Variants in SLC20A2 observed in about 807,000 individuals in gnomAD.
The protein encoded by SLC20A2 is sodium-dependent phosphate transporter 2.
SLC20A2 carries 30 observed loss-of-function variants against 61.0 expected under a neutral mutation model. That is an observed-to-expected ratio of 0.49 (90% CI 0.37 to 0.67). The LOEUF is 0.67. SLC20A2 is among the 30% of genes least tolerant of loss of function. The pLI, the probability that SLC20A2 is intolerant of heterozygous loss-of-function variation, is 0.00. For missense variants in SLC20A2, 626 were observed against 866.4 expected, an observed-to-expected ratio of 0.72 and a Z score of 3.48; for synonymous variants, 351 against 353.3, an observed-to-expected ratio of 0.99 and a Z score of 0.07.
chr8:42,438,676 TGA>T (rs1199399770), intron 7 of SLC20A2, among the ~76,000 whole-genome samples: 1 of 152,108 alleles, frequency 6.6e-6, no homozygotes, highest in Non-Finnish European at 1.5e-5. Flanking sequence ...CCACAAACAT[TGA>T]GAGTCTAAAG....
intron 3 of SLC20A2, among the ~76,000 whole-genome samples, chr8:42,464,092 C>CTTTTTTTTTTTTTTGTTTTTTT (rs1806937175): frequency 4.9e-5 from 1 of 20,540 alleles, no homozygotes. Context: ...GCTGGATGAT[C>CTTTTTTTTTTTTTTGTTTTTTT]TTTTTTTTTT....
intron 5 of SLC20A2, among the ~76,000 whole-genome samples, chr8:42,448,223 A>G (rs1191325659): frequency 6.6e-6 from 1 of 152,246 alleles, no homozygotes; most frequent in East Asian, 1.9e-4. Flanking sequence ...CTGATGATAC[A>G]ATTACTAATT....
At chr8:42,438,183 G>A (rs1445516610) in intron 7 of SLC20A2, among the ~76,000 whole-genome samples, 1 of 151,344 alleles carries the variant, frequency 6.6e-6, no homozygotes, top group Non-Finnish European at 1.5e-5. Flanking sequence ...AAATTACTAT[G>A]GCACTTGGCA....
chr8:42,470,166 A>G (rs1030770836), intron 2 of SLC20A2, among the ~76,000 whole-genome samples: 7 of 152,068 alleles, frequency 4.6e-5, no homozygotes, highest in African/African-American at 1.7e-4. Context: ...GAAGGTAAGT[A>G]AAATTCAATA....
chr8:42,431,113 G>A (rs1210641185), intron 8 of SLC20A2, among the ~76,000 whole-genome samples: 2 of 152,228 alleles, frequency 1.3e-5, no homozygotes, highest in African/African-American at 4.8e-5. Flanking sequence ...AAATGATTAA[G>A]CTTAGTGAGG....
intron 1 of SLC20A2, among the ~76,000 whole-genome samples, chr8:42,494,202 CAAG>C (rs954210167): frequency 6.6e-6 from 1 of 152,018 alleles, no homozygotes; most frequent in Non-Finnish European, 1.5e-5. Context: ...GAAAGTAAAA[CAAG>C]GAAAAATGCT....
At chr8:42,426,088 C>T (rs2130943254) in intron 10 of SLC20A2, among the ~76,000 whole-genome samples, 1 of 152,162 alleles carries the variant, frequency 6.6e-6, no homozygotes. Context: ...ATAATGATAA[C>T]ATATACATCT....
intron 1 of SLC20A2, among the ~76,000 whole-genome samples, chr8:42,518,135 T>C (rs551444289): frequency 1.3e-5 from 2 of 151,716 alleles, no homozygotes; most frequent in South Asian, 2.1e-4. Flanking sequence ...AGAGATGGGG[T>C]TTCGCCTTGT....
At chr8:42,523,621 T>C (rs776951597) in intron 1 of SLC20A2, among the ~76,000 whole-genome samples, 27 of 152,166 alleles carry the variant, frequency 1.8e-4, no homozygotes, top group African/African-American at 2.4e-4. Flanking sequence ...TTGAAGAAAA[T>C]AGAATAAGCA....
At chr8:42,534,067 A>G (rs1173864218) in intron 1 of SLC20A2, among the ~76,000 whole-genome samples, 1 of 152,016 alleles carries the variant, frequency 6.6e-6, no homozygotes, top group African/African-American at 2.4e-5. Context: ...TGTAATCCCA[A>G]CACTTTGGGG....
chr8:42,509,681 G>T (rs1810922872), intron 1 of SLC20A2, among the ~76,000 whole-genome samples: 1 of 152,150 alleles, frequency 6.6e-6, no homozygotes, highest in Non-Finnish European at 1.5e-5. Context: ...TTGGGTCCAG[G>T]AGTTTGAGGC....
At chr8:42,482,569 C>T (rs73632712) in intron 1 of SLC20A2, among the ~76,000 whole-genome samples, 4,388 of 152,146 alleles carry the variant, frequency 0.029, 201 homozygotes, top group African/African-American at 0.095. Context: ...GGCATCATGG[C>T]GAAACCCCAT....
rs1401875175 is a variant in SLC20A2, at chr8:42,476,020, G to A, written c.-264-3366C>T. ...CATTGTTTTTAGTTTTGCTTTTTGG[G>A]GCTAGGATGGGGTCTGACCACAGGT... On this transcript the variant is annotated intron_variant, in intron 1 of 10. Coordinates refer to ENST00000520262, the MANE Select transcript of SLC20A2 (RefSeq NM_001257180.2). Among the ~76,000 whole-genome samples, 5 of 151,698 alleles carry A rather than the reference G, an allele frequency of 3.3e-5. No homozygotes were observed. In the South Asian group the frequency reaches 1.0e-3, roughly 32 times the overall value.
At chr8:42,488,566 G>A (rs531272679) in intron 1 of SLC20A2, among the ~76,000 whole-genome samples, 12 of 152,288 alleles carry the variant, frequency 7.9e-5, no homozygotes, top group Non-Finnish European at 1.8e-4. Flanking sequence ...ATACCCAGAA[G>A]TGGAATTGCT....
At chr8:42,445,269 G>A (rs893804250) in intron 5 of SLC20A2, among the ~76,000 whole-genome samples, 12 of 151,948 alleles carry the variant, frequency 7.9e-5, no homozygotes, top group African/African-American at 2.9e-4. Context: ...TCTAGCCTGG[G>A]CAACAGAGCG....
At position 42,424,408 on chromosome 8, in the gene SLC20A2, C is replaced by T. The variant is rs112450279; in HGVS notation, c.1794+4350G>A. 3.1e-3 allele frequency among the ~76,000 whole-genome samples: 469 copies of T among 152,228 alleles called. 1 individual carries two copies. Among genetic ancestry groups the T allele is most frequent in the African/African-American group, 9.7e-3 (404 of 41,542 alleles). ...TCCACTCACCACAACCTCCGCCTCC[C>T]GGGTTCAAGCGATTCTCCGGCCTCA... On this transcript the variant is annotated intron_variant, in intron 10 of 10. Coordinates refer to ENST00000520262, the MANE Select transcript of SLC20A2 (RefSeq NM_001257180.2).
intron 2 of SLC20A2, among the ~76,000 whole-genome samples, chr8:42,471,607 T>C (rs1053235462): frequency 6.6e-6 from 1 of 152,202 alleles, no homozygotes; most frequent in South Asian, 2.1e-4. Flanking sequence ...ATTTGGTAAC[T>C]TCTTTAGAAC....
At position 42,489,762 on chromosome 8, in the gene SLC20A2, G is replaced by A. The variant is rs948765729; in HGVS notation, c.-265+11269C>T. ...GGCCAGAGGTTGTGCTGAAGCCCCC[G>A]TAGCCTGCGGAGTTTCACCCTTGAC... On this transcript the variant is annotated intron_variant, in intron 1 of 10. Transcript: ENST00000520262. 2.6e-5 allele frequency among the ~76,000 whole-genome samples: 4 copies of A among 152,212 alleles called. No homozygotes were observed. The East Asian group carries it at 7.7e-4, about 29-fold the overall frequency.
At chr8:42,533,014 G>A (rs2131441641) in intron 1 of SLC20A2, among the ~76,000 whole-genome samples, 1 of 152,256 alleles carries the variant, frequency 6.6e-6, no homozygotes, top group South Asian at 2.1e-4. Flanking sequence ...AAATATAAAA[G>A]TGGGACCAAG....
Sources: gnomAD v4.1 joint callset for allele counts (sites outside exome capture counted in the v4.1 genomes callset) on GRCh38, gnomAD v4.1.1 for gene constraint, MANE v1.5 for transcripts, NCBI Gene and HGNC (gene_info 2026-07-23, HGNC 2026-07-21) for gene names.